Variants in WDPCP observed in about 807,000 individuals in gnomAD.
The protein encoded by WDPCP is WD repeat containing planar cell polarity effector.
WDPCP carries 71 observed loss-of-function variants against 93.1 expected under a neutral mutation model. The observed-to-expected ratio is 0.76, with a 90% CI of 0.63 to 0.93. WDPCP has a LOEUF of 0.93. WDPCP is among the 40% of genes least tolerant of loss of function. WDPCP has a pLI of 0.00. For missense variants in WDPCP, 844 were observed against 887.4 expected (o/e 0.95, Z 0.62); for synonymous variants, 315 against 315.0 (o/e 1.00, Z 0.00).
At chr2:63,475,876 G>A (rs777249690) in intron 6 of WDPCP, among the ~76,000 whole-genome samples, 3 of 151,966 alleles carry the variant, frequency 2.0e-5, no homozygotes, top group African/African-American at 7.2e-5. Context: ...CTTCTTGAGG[G>A]CACCCTCTTA....
chr2:63,417,942 T>A (rs187704496), intron 9 of WDPCP, among the ~76,000 whole-genome samples: 6 of 152,056 alleles, frequency 3.9e-5, no homozygotes, highest in African/African-American at 1.4e-4. Flanking sequence ...TCAGTTCTTC[T>A]AGGAAAATGC....
chr2:63,337,500 T>C (rs1454332132), intron 12 of WDPCP, among the ~76,000 whole-genome samples: 1 of 152,198 alleles, frequency 6.6e-6, no homozygotes, highest in Non-Finnish European at 1.5e-5. Context: ...TGGATATATA[T>C]GCAGTAGTAT....
chr2:63,838,832 A>G, the WDPCP span, among the ~76,000 whole-genome samples: 4 of 152,184 alleles, frequency 2.6e-5, no homozygotes, highest in African/African-American at 9.7e-5. Flanking sequence ...TTTCTTTCCT[A>G]TCTCCACAGG....
chr2:63,310,070 C>T (rs1453732757), intron 13 of WDPCP, among the ~76,000 whole-genome samples: 1 of 152,034 alleles, frequency 6.6e-6, no homozygotes, highest in African/African-American at 2.4e-5. Flanking sequence ...GAAGTACTAC[C>T]TAAATATTTG....
intron 2 of WDPCP, among the ~76,000 whole-genome samples, chr2:63,707,491 T>C (rs1176458144): frequency 6.6e-6 from 1 of 152,228 alleles, no homozygotes; most frequent in Non-Finnish European, 1.5e-5. Flanking sequence ...GTCCCTTAAG[T>C]ACTTCTCTGC....
At chr2:63,739,769 C>T (rs1669688051) in intron 2 of WDPCP, among the ~76,000 whole-genome samples, 1 of 151,980 alleles carries the variant, frequency 6.6e-6, no homozygotes, top group Admixed American at 6.6e-5. Flanking sequence ...TAATAATAGC[C>T]ATTCTGACTG....
intron 3 of WDPCP, among the ~76,000 whole-genome samples, chr2:63,647,593 C>T (rs1450838203): frequency 6.6e-6 from 1 of 152,108 alleles, no homozygotes; most frequent in Admixed American, 6.5e-5. Flanking sequence ...ACATGGAGTA[C>T]AAGCTAGTGG....
intron 10 of WDPCP, among the ~76,000 whole-genome samples, chr2:63,387,671 G>T (rs1030509044): frequency 2.6e-5 from 4 of 151,944 alleles, no homozygotes; most frequent in Non-Finnish European, 5.9e-5. Flanking sequence ...CCAAATAGAA[G>T]ACATGAAGTC....
At chr2:63,160,481 A>G (rs1332981121) in intron 15 of WDPCP, among the ~76,000 whole-genome samples, 1 of 152,206 alleles carries the variant, frequency 6.6e-6, no homozygotes, top group Non-Finnish European at 1.5e-5. Context: ...ATTGACCACA[A>G]TTCATTAAAA....
At chr2:63,507,933 T>C (rs1038470646) in intron 1 of WDPCP, among the ~76,000 whole-genome samples, 1 of 152,276 alleles carries the variant, frequency 6.6e-6, no homozygotes, top group East Asian at 1.9e-4. Flanking sequence ...TATGGGACTA[T>C]GTGAAAAGAC....
intron 10 of WDPCP, among the ~76,000 whole-genome samples, chr2:63,399,270 C>T (rs765455807): frequency 2.1e-4 from 32 of 152,066 alleles, no homozygotes; most frequent in Non-Finnish European, 4.1e-4. Flanking sequence ...TTCCAAGAGA[C>T]CTTCTTGGGA....
chr2:63,555,605 C>T (rs971674028), intron 1 of WDPCP, among the ~76,000 whole-genome samples: 3 of 152,186 alleles, frequency 2.0e-5, no homozygotes, highest in Middle Eastern at 3.4e-3. Context: ...TGGATCAGGT[C>T]GGTGCCCCTC....
chr2:63,529,130 T>C (rs930392134), intron 1 of WDPCP, among the ~76,000 whole-genome samples: 7 of 152,162 alleles, frequency 4.6e-5, no homozygotes, highest in Non-Finnish European at 8.8e-5. Flanking sequence ...ACGAGGGGGT[T>C]TTCTAAATAT....
chr2:63,275,341 T>C (rs953743368), intron 13 of WDPCP, among the ~76,000 whole-genome samples: 1 of 152,082 alleles, frequency 6.6e-6, no homozygotes, highest in South Asian at 2.1e-4. Flanking sequence ...TCATACTGAA[T>C]AGGCAAAAGC....
chr2:63,743,648 C>A (rs1669756160), intron 2 of WDPCP, among the ~76,000 whole-genome samples: 1 of 152,066 alleles, frequency 6.6e-6, no homozygotes, highest in Admixed American at 6.6e-5. Context: ...AGATGGCATT[C>A]TATTTGAAAG....
At chr2:63,294,894 T>C (rs1465832773) in intron 13 of WDPCP, among the ~76,000 whole-genome samples, 1 of 152,176 alleles carries the variant, frequency 6.6e-6, no homozygotes, top group African/African-American at 2.4e-5. Flanking sequence ...GTAACTTTGG[T>C]TGGTAATACT....
At chr2:63,452,387 G>A (rs1388142128) in intron 6 of WDPCP, among the ~76,000 whole-genome samples, 4 of 152,130 alleles carry the variant, frequency 2.6e-5, no homozygotes, top group Non-Finnish European at 2.9e-5. Flanking sequence ...ACTTACAAGG[G>A]ATGTGAAGGA....
At chr2:63,788,834 T>A (rs1367067391) in intron 2 of WDPCP, among the ~76,000 whole-genome samples, 3 of 152,322 alleles carry the variant, frequency 2.0e-5, no homozygotes, top group Admixed American at 1.3e-4. Context: ...TATCCACTGA[T>A]ATCACCTTCT....
At chr2:63,200,786 C>T (rs778125087) in intron 14 of WDPCP, among the ~76,000 whole-genome samples, 6 of 152,008 alleles carry the variant, frequency 3.9e-5, no homozygotes, top group African/African-American at 1.4e-4. Context: ...AATAATTGTA[C>T]ATTTAAAAAT....
Sources: allele counts gnomAD v4.1 joint callset (sites outside exome capture counted in the v4.1 genomes callset), GRCh38; gene constraint gnomAD v4.1.1; transcripts MANE v1.5; gene names NCBI Gene and HGNC (gene_info 2026-07-23, HGNC 2026-07-21).